The following DPP10 variants were observed in gnomAD, a reference collection of about 807,000 sequenced individuals.
DPP10 encodes dipeptidyl peptidase like 10, also known as inactive dipeptidyl peptidase 10.
A neutral mutation model predicts 120.9 loss-of-function variants in DPP10; 33 were observed. The observed-to-expected ratio is 0.27, with a 90% confidence interval of 0.21 to 0.37. The LOEUF (loss-of-function observed/expected upper bound fraction) is 0.37. Ranked by LOEUF, DPP10 falls within the 10% of genes least tolerant of loss-of-function variation. The probability of loss-of-function intolerance (pLI) is 1.00; values close to 1 mark genes in which losing one functional copy is unlikely to be tolerated. For synonymous variants in DPP10, 337 were observed against 326.1 expected (o/e 1.03, Z -0.36); for missense variants, 816 against 942.8 (o/e 0.87, Z 1.76).
chr2:114,861,542 G>A (rs1055637122), intron 1 of DPP10, among the ~76,000 whole-genome samples: 2 of 151,996 alleles, frequency 1.3e-5, no homozygotes, highest in South Asian at 2.1e-4. Flanking sequence ...AAGTATCAAA[G>A]CTACTCAGTG....
chr2:114,759,644 A>G (rs1005266701), intron 1 of DPP10, among the ~76,000 whole-genome samples: 3 of 152,100 alleles, frequency 2.0e-5, no homozygotes, highest in Non-Finnish European at 2.9e-5. Flanking sequence ...GGACAAGGCA[A>G]GTACTTTGGA....
At chr2:114,656,729 A>G (rs1218625553) in intron 1 of DPP10, among the ~76,000 whole-genome samples, 1 of 152,128 alleles carries the variant, frequency 6.6e-6, no homozygotes, top group Non-Finnish European at 1.5e-5. Flanking sequence ...ACTGTTGTAG[A>G]AGAATAGTGA....
intron 1 of DPP10, among the ~76,000 whole-genome samples, chr2:115,272,118 G>T (rs1190993291): frequency 6.6e-6 from 1 of 152,046 alleles, no homozygotes; most frequent in East Asian, 1.9e-4. Flanking sequence ...ATAAATTGTT[G>T]TTGCTGTTGT....
intron 8 of DPP10, among the ~76,000 whole-genome samples, chr2:115,728,818 A>G (rs2092829841): frequency 1.3e-5 from 2 of 152,150 alleles, no homozygotes; most frequent in Admixed American, 1.3e-4. Flanking sequence ...TGTATTCTGG[A>G]TAGATGTCTA....
chr2:115,288,126 A>T (rs977578167), intron 1 of DPP10, among the ~76,000 whole-genome samples: 11 of 152,056 alleles, frequency 7.2e-5, no homozygotes, highest in Admixed American at 6.6e-4. Flanking sequence ...ACTAACTTAT[A>T]TTTCCACCAG....
chr2:114,707,332 G>A (rs1700746437), intron 1 of DPP10, among the ~76,000 whole-genome samples: 1 of 152,132 alleles, frequency 6.6e-6, no homozygotes, highest in Non-Finnish European at 1.5e-5. Flanking sequence ...TAAAATTATG[G>A]TAATCTAATC....
intron 1 of DPP10, among the ~76,000 whole-genome samples, chr2:114,980,820 A>G (rs1390417719): frequency 6.6e-6 from 1 of 152,018 alleles, no homozygotes; most frequent in East Asian, 1.9e-4. Context: ...TATCAGTTTC[A>G]TATGCCTGAT....
chr2:114,748,341 T>TC (rs1553418192), intron 1 of DPP10, among the ~76,000 whole-genome samples: 2 of 131,346 alleles, frequency 1.5e-5, no homozygotes, highest in South Asian at 2.4e-4. Context: ...GAATTTTCTT[T>TC]TTTTTTTTTA....
chr2:115,032,695 A>G (rs1030657910), intron 1 of DPP10, among the ~76,000 whole-genome samples: 6 of 151,948 alleles, frequency 3.9e-5, no homozygotes, highest in East Asian at 1.9e-4. Flanking sequence ...AGCCTGGCCA[A>G]CATGGCGAAA....
At chr2:115,155,224 C>G (rs2051828859) in intron 1 of DPP10, among the ~76,000 whole-genome samples, 1 of 152,072 alleles carries the variant, frequency 6.6e-6, no homozygotes, top group Non-Finnish European at 1.5e-5. Context: ...TTGCACCAAC[C>G]TAATATTAGA....
intron 1 of DPP10, among the ~76,000 whole-genome samples, chr2:115,147,575 CTAT>C (rs1203185598): frequency 6.6e-6 from 1 of 151,916 alleles, no homozygotes; most frequent in Non-Finnish European, 1.5e-5. Context: ...TAAATGTGAG[CTAT>C]TATTATTTTC....
chr2:114,929,025 A>G (rs180751879), intron 1 of DPP10, among the ~76,000 whole-genome samples: 1 of 152,180 alleles, frequency 6.6e-6, no homozygotes, highest in South Asian at 2.1e-4. Flanking sequence ...AGTACAAAAG[A>G]GAGAAATTTT....
At chr2:115,196,278 C>T (rs2055260883) in intron 1 of DPP10, among the ~76,000 whole-genome samples, 2 of 152,172 alleles carry the variant, frequency 1.3e-5, no homozygotes, top group Non-Finnish European at 2.9e-5. Context: ...GTTCCTCCGT[C>T]AGACATTAAA....
chr2:114,984,060 A>C (rs1700251165), intron 1 of DPP10, among the ~76,000 whole-genome samples: 1 of 152,132 alleles, frequency 6.6e-6, no homozygotes, highest in Non-Finnish European at 1.5e-5. Flanking sequence ...CAGACCTAAG[A>C]TTTTATCATT....
intron 1 of DPP10, among the ~76,000 whole-genome samples, chr2:114,928,252 A>C (rs1695787642): frequency 6.6e-6 from 1 of 152,370 alleles, no homozygotes; most frequent in South Asian, 2.1e-4. Context: ...ACTCAAGACA[A>C]GTTCCTTAGA....
chr2:115,654,475 A>G (rs1355120157), intron 5 of DPP10, among the ~76,000 whole-genome samples: 2 of 151,898 alleles, frequency 1.3e-5, no homozygotes, highest in Admixed American at 6.6e-5. Flanking sequence ...TGTCTTTGAA[A>G]AGAGAAGTGC....
chr2:114,682,123 G>A (rs930706815), intron 1 of DPP10, among the ~76,000 whole-genome samples: 2 of 151,790 alleles, frequency 1.3e-5, no homozygotes, highest in African/African-American at 2.4e-5. Context: ...TCCTAGACCC[G>A]GCAACATGAC....
intron 3 of DPP10, among the ~76,000 whole-genome samples, chr2:115,459,059 T>A (rs2073811060): frequency 6.6e-6 from 1 of 152,064 alleles, no homozygotes; most frequent in Non-Finnish European, 1.5e-5. Context: ...CAAACAGCAT[T>A]GGTTAGCAAC....
At chr2:115,603,851 T>C (rs941668748) in intron 5 of DPP10, among the ~76,000 whole-genome samples, 1 of 152,160 alleles carries the variant, frequency 6.6e-6, no homozygotes, top group African/African-American at 2.4e-5. Context: ...AAGGCACTTA[T>C]TATGTAGCAA....
Sources: gnomAD v4.1 joint callset for allele counts (sites outside exome capture counted in the v4.1 genomes callset) on GRCh38, gnomAD v4.1.1 for gene constraint, MANE v1.5 for transcripts, NCBI Gene and HGNC (gene_info 2026-07-23, HGNC 2026-07-21) for gene names.